Variants in RYR3 observed in about 807,000 individuals in gnomAD.
The protein encoded by RYR3 is ryanodine receptor 3.
A neutral mutation model predicts 584.3 loss-of-function variants in RYR3; 207 were observed. That is an observed-to-expected ratio of 0.35 (90% CI 0.32 to 0.40). The LOEUF is 0.40. Ranked by LOEUF, RYR3 falls within the 10% of genes least tolerant of loss-of-function variation. The pLI is 1.00. For synonymous variants in RYR3, 2,416 were observed against 2,248.5 expected, an observed-to-expected ratio of 1.07 and a Z score of -2.11; for missense variants, 5,616 against 6,089.2, an observed-to-expected ratio of 0.92 and a Z score of 2.59.
chr15:33,687,907 T>G (rs1387153665), intron 38 of RYR3, among the ~76,000 whole-genome samples: 1 of 151,972 alleles, frequency 6.6e-6, no homozygotes, highest in Non-Finnish European at 1.5e-5. Flanking sequence ...TAGACAAAAA[T>G]CAATTCAAGA....
At chr15:33,380,223 G>A (rs750756954) in intron 1 of RYR3, among the ~76,000 whole-genome samples, 15 of 152,046 alleles carry the variant, frequency 9.9e-5, no homozygotes, top group Non-Finnish European at 2.1e-4. Context: ...AACCATCACA[G>A]AATCCTTGAA....
intron 102 of RYR3, among the ~76,000 whole-genome samples, chr15:33,863,434 G>C (rs572923554): frequency 2.8e-4 from 43 of 152,228 alleles, no homozygotes; most frequent in Non-Finnish European, 4.9e-4. Flanking sequence ...ACCCTCAGAA[G>C]GACATAATTT....
chr15:33,628,334 T>C, intron 20 of RYR3, 137 bp from the exon 21 acceptor site: 1 of 606,326 alleles, frequency 1.6e-6, no homozygotes, highest in Non-Finnish European at 3.0e-6. Context: ...GGGGAGCATG[T>C]GGGTCAGGCA....
chr15:33,685,401 C>T (rs906464058), intron 38 of RYR3, among the ~76,000 whole-genome samples: 1 of 152,096 alleles, frequency 6.6e-6, no homozygotes, highest in African/African-American at 2.4e-5. Flanking sequence ...GCTAACTATC[C>T]TAAATATATA....
At chr15:33,773,056 A>G (rs1376377314) in intron 63 of RYR3, among the ~76,000 whole-genome samples, 3 of 152,190 alleles carry the variant, frequency 2.0e-5, no homozygotes, top group African/African-American at 7.2e-5. Context: ...TGGGATAGGC[A>G]GATGTGAGGG....
chr15:33,400,758 G>A (rs992358180), intron 1 of RYR3, among the ~76,000 whole-genome samples: 4 of 152,168 alleles, frequency 2.6e-5, no homozygotes, highest in Non-Finnish European at 4.4e-5. Context: ...TATTATTAAT[G>A]ATATTATCAT....
At chr15:33,777,136 T>C (rs1252054716) in intron 64 of RYR3, among the ~76,000 whole-genome samples, 1 of 152,232 alleles carries the variant, frequency 6.6e-6, no homozygotes, top group Non-Finnish European at 1.5e-5. Context: ...TGCAGTAAGC[T>C]GTGATAGCAG....
chr15:33,692,402 C>T (rs2065497216), intron 38 of RYR3, among the ~76,000 whole-genome samples: 2 of 152,144 alleles, frequency 1.3e-5, no homozygotes, highest in Non-Finnish European at 2.9e-5. Flanking sequence ...TTGTGCTTTT[C>T]ATGGCTCCTG....
rs767324617 is a variant in RYR3, at chr15:33,755,112, T to A, written c.8447T>A (p.Phe2816Tyr). Reference protein sequence around the residue: ...ELDASSMEKRFAYKFLKKILK... With the variant: ...ELDASSMEKRYAYKFLKKILK... ...GATGCCTCCTCCATGGAGAAGAGGT[T>A]TGCCTATAAGTTCTTGAAGAAGATC... The change falls in exon 58 of 104, where the codon TTT becomes TAT. Residue 2816 changes from phenylalanine (F) to tyrosine (Y), a missense_variant. Coordinates refer to ENST00000634891, the MANE Select transcript of RYR3 (RefSeq NM_001036.6). The A allele has an allele frequency of 3.1e-6, 5 of 1,613,562 alleles. No individual in the cohort carries two copies. In the East Asian group the frequency reaches 1.1e-4, roughly 36 times the overall value.
intron 45 of RYR3, among the ~76,000 whole-genome samples, chr15:33,725,414 C>T (rs1463718626): frequency 3.3e-5 from 5 of 152,152 alleles, no homozygotes; most frequent in Non-Finnish European, 7.4e-5. Context: ...GACCCTATGA[C>T]ATTCAGTTCC....
At chr15:33,845,324 C>G (rs58374300) in intron 93 of RYR3, among the ~76,000 whole-genome samples, 7,702 of 152,216 alleles carry the variant, frequency 0.051, 558 homozygotes, top group African/African-American at 0.16. Flanking sequence ...GCAAGCTCGG[C>G]TCACTGCAAC....
intron 43 of RYR3, among the ~76,000 whole-genome samples, chr15:33,721,474 T>G: frequency 6.6e-6 from 1 of 152,206 alleles, no homozygotes; most frequent in East Asian, 1.9e-4. Flanking sequence ...CGAGAATAAA[T>G]AATACAACAG....
In RYR3 at chr15:33,757,572, A is replaced by C. The variant is rs183443945; in HGVS notation, c.8681A>C (p.His2894Pro). 2.5e-6 allele frequency: 4 copies of C among 1,611,270 alleles called. No individual in the cohort carries two copies. The East Asian group carries it at 8.9e-5, about 36-fold the overall frequency. Residue 2894 changes from histidine (H) to proline (P), a missense_variant, in exon 60 of 104, where the codon CAT (histidine) becomes CCT (proline). His to Pro is a moderately conservative substitution (Grantham distance 77, BLOSUM62 -2). Transcript: ENST00000634891. Reference sequence around the variant, plus strand: ...CTTAGCAGCAGCGGATATGCCTCCCATAAGGAGAAAGAAATGGTGGCCGGG... The same window carrying C: ...CTTAGCAGCAGCGGATATGCCTCCCCTAAGGAGAAAGAAATGGTGGCCGGG... ...KPLSSSGYAS[H>P]KEKEMVAGLF... is the part of the protein sequence containing the mutation.
At chr15:33,743,891 C>A (rs7172449) in intron 52 of RYR3, among the ~76,000 whole-genome samples, 3,518 of 152,296 alleles carry the variant, frequency 0.023, 126 homozygotes, top group African/African-American at 0.08. Context: ...TACCCAGCCC[C>A]TCTCCTTGTT....
chr15:33,448,020 A>G (rs1164612349), intron 1 of RYR3, among the ~76,000 whole-genome samples: 2 of 152,238 alleles, frequency 1.3e-5, no homozygotes, highest in Non-Finnish European at 2.9e-5. Flanking sequence ...AAGAGATAGA[A>G]AATGGTCCTG....
chr15:33,780,283 C>T lies in RYR3; in HGVS notation c.9210C>T (p.Thr3070=), dbSNP rs773463352. The T allele has an allele frequency of 6.2e-7, 1 of 1,613,906 alleles. No homozygotes were observed. The highest frequency in any genetic ancestry group is 1.1e-5 in the South Asian group (1 of 91,062). Reference sequence around the variant, plus strand: ...TACCAGTGGCATTCCTGGAGCCCACCCTTAATCGCTACAATCCACTCTCGG... The same window carrying T: ...TACCAGTGGCATTCCTGGAGCCCACTCTTAATCGCTACAATCCACTCTCGG... ...AAIPVAFLEP[T]LNRYNPLSVF... The change falls in exon 65 of 104, where the codon ACC becomes ACT. Residue 3070 remains threonine, a synonymous_variant. Transcript: ENST00000634891.
intron 27 of RYR3, among the ~76,000 whole-genome samples, chr15:33,638,603 A>T (rs1013686507): frequency 1.3e-5 from 2 of 152,224 alleles, no homozygotes; most frequent in Admixed American, 6.5e-5. Context: ...CCCAGACCAG[A>T]ATCAGAATCT....
chr15:33,735,931 C>G (rs1271690145), intron 48 of RYR3, among the ~76,000 whole-genome samples: 1 of 152,204 alleles, frequency 6.6e-6, no homozygotes, highest in South Asian at 2.1e-4. Flanking sequence ...CACCTTCTTT[C>G]TGTTATATTC....
At chr15:33,312,733 GT>G (rs1259601914) in intron 1 of RYR3, among the ~76,000 whole-genome samples, 3 of 152,234 alleles carry the variant, frequency 2.0e-5, no homozygotes. Flanking sequence ...GACAGGGTCA[GT>G]GTTGAATAGA....
Sources: gnomAD v4.1 joint callset for allele counts (sites outside exome capture counted in the v4.1 genomes callset) on GRCh38, gnomAD v4.1.1 for gene constraint, MANE v1.5 for transcripts, NCBI Gene and HGNC (gene_info 2026-07-23, HGNC 2026-07-21) for gene names.